The following SORCS2 variants were observed in gnomAD, a reference collection of about 807,000 sequenced individuals.
SORCS2 encodes the protein sortilin related VPS10 domain containing receptor 2, also known as VPS10 domain-containing receptor SorCS2.
Under a neutral mutation model 141.6 loss-of-function variants are expected in SORCS2, and 100 were observed. The ratio of observed to expected loss-of-function variants is 0.71; its 90% CI spans 0.60 to 0.83. The LOEUF (loss-of-function observed/expected upper bound fraction) is 0.83. Ranked by LOEUF, SORCS2 falls within the 40% of genes least tolerant of loss-of-function variation. The pLI is 0.00. For missense variants in SORCS2, 1,646 were observed against 1,560.2 expected (o/e 1.05, Z -0.93); for synonymous variants, 789 against 676.9 (o/e 1.17, Z -2.57).
At chr4:7,254,628 C>T (rs1474847829) in intron 1 of SORCS2, among the ~76,000 whole-genome samples, 1 of 152,118 alleles carries the variant, frequency 6.6e-6, no homozygotes, top group Non-Finnish European at 1.5e-5. Flanking sequence ...TGCACATGTG[C>T]CCTATAAATC....
At chr4:7,385,818 C>T (rs1352809810) in intron 1 of SORCS2, among the ~76,000 whole-genome samples, 1 of 152,210 alleles carries the variant, frequency 6.6e-6, no homozygotes, top group African/African-American at 2.4e-5. Flanking sequence ...TGGCCACCTG[C>T]CTCGATTGGG....
chr4:7,250,379 C>T (rs868424155), intron 1 of SORCS2, among the ~76,000 whole-genome samples: 9 of 152,356 alleles, frequency 5.9e-5, no homozygotes, highest in East Asian at 5.8e-4. Flanking sequence ...AAAACCCCCA[C>T]GGATCCCCTT....
intron 1 of SORCS2, among the ~76,000 whole-genome samples, chr4:7,354,882 A>G (rs1721154962): frequency 1.3e-5 from 2 of 152,302 alleles, no homozygotes; most frequent in Non-Finnish European, 2.9e-5. Context: ...CATGATAAGG[A>G]AGGTTTATCC....
At chr4:7,511,379 C>A (rs1256656882) in intron 2 of SORCS2, among the ~76,000 whole-genome samples, 6 of 130,650 alleles carry the variant, frequency 4.6e-5, no homozygotes, top group African/African-American at 1.2e-4. Context: ...GAGGTACACA[C>A]AAAAAGCCAG....
At chr4:7,634,371 CAAA>C (rs57071486) in intron 3 of SORCS2, among the ~76,000 whole-genome samples, 5 of 135,836 alleles carry the variant, frequency 3.7e-5, no homozygotes, top group East Asian at 2.1e-4. Flanking sequence ...GACTGTGTCT[CAAA>C]AAAAAAAAAA....
intron 1 of SORCS2, among the ~76,000 whole-genome samples, chr4:7,385,247 G>C (rs1577478433): frequency 6.6e-6 from 1 of 152,312 alleles, no homozygotes; most frequent in South Asian, 2.1e-4. Flanking sequence ...CCTCCCCTCA[G>C]GGGTCTTTAG....
intron 25 of SORCS2, among the ~76,000 whole-genome samples, chr4:7,736,230 G>A (rs2148902460): frequency 6.6e-6 from 1 of 152,364 alleles, no homozygotes; most frequent in South Asian, 2.1e-4. Flanking sequence ...GCAGGGGCTT[G>A]GCCCTCGTCT....
chr4:7,223,796 C>T (rs1392186424), intron 1 of SORCS2, among the ~76,000 whole-genome samples: 3 of 152,202 alleles, frequency 2.0e-5, no homozygotes, highest in Non-Finnish European at 4.4e-5. Flanking sequence ...GTGGCCCACA[C>T]CTGTCGCCTG....
chr4:7,552,848 G>C (rs934683713), intron 3 of SORCS2, among the ~76,000 whole-genome samples: 24 of 152,212 alleles, frequency 1.6e-4, no homozygotes, highest in Admixed American at 9.8e-4. Context: ...TCTGGAGAGA[G>C]CTTATTCCCT....
intron 1 of SORCS2, among the ~76,000 whole-genome samples, chr4:7,202,492 C>T (rs190165036): frequency 6.6e-6 from 1 of 152,192 alleles, no homozygotes; most frequent in Admixed American, 6.5e-5. Context: ...TCTTCTCACA[C>T]CAGCTCGAAG....
intron 3 of SORCS2, among the ~76,000 whole-genome samples, chr4:7,561,498 A>G (rs962732178): frequency 9.3e-5 from 14 of 151,330 alleles, no homozygotes; most frequent in Admixed American, 9.2e-4. Context: ...CCATCTACCC[A>G]TTCATCCATC....
chr4:7,197,459 G>C (rs564838474), intron 1 of SORCS2, among the ~76,000 whole-genome samples: 6 of 152,276 alleles, frequency 3.9e-5, no homozygotes, highest in African/African-American at 1.4e-4. Flanking sequence ...GAACAGCTAG[G>C]ATATGAGGGG....
intron 2 of SORCS2, among the ~76,000 whole-genome samples, chr4:7,516,584 G>A (rs1454907238): frequency 6.6e-6 from 1 of 152,140 alleles, no homozygotes; most frequent in Non-Finnish European, 1.5e-5. Context: ...GGTGGGGGCG[G>A]TGCTGCTTTT....
intron 12 of SORCS2, among the ~76,000 whole-genome samples, chr4:7,702,069 G>C (rs962328976): frequency 2.0e-5 from 3 of 152,198 alleles, no homozygotes; most frequent in Non-Finnish European, 4.4e-5. Context: ...CAGGAGCCCA[G>C]CTCATGTGGA....
intron 1 of SORCS2, among the ~76,000 whole-genome samples, chr4:7,316,088 A>G (rs994833020): frequency 1.3e-5 from 2 of 151,698 alleles, no homozygotes; most frequent in Non-Finnish European, 2.9e-5. Context: ...CTGTCCATCC[A>G]TCTATCCATC....
intron 3 of SORCS2, among the ~76,000 whole-genome samples, chr4:7,535,800 G>A (rs912779000): frequency 1.3e-4 from 19 of 147,604 alleles, no homozygotes; most frequent in South Asian, 4.2e-4. Context: ...GCCTCACCTG[G>A]TGGCTGTGCC....
At chr4:7,659,848 G>A (rs2108912194) in intron 5 of SORCS2, among the ~76,000 whole-genome samples, 1 of 152,278 alleles carries the variant, frequency 6.6e-6, no homozygotes. Flanking sequence ...TCCCTTCACT[G>A]TATTATTTGG....
chr4:7,600,882 A>G (rs1459533156), intron 3 of SORCS2, among the ~76,000 whole-genome samples: 1 of 151,928 alleles, frequency 6.6e-6, no homozygotes, highest in Non-Finnish European at 1.5e-5. Flanking sequence ...TTCAGTTTTA[A>G]TGTTCCTCTG....
intron 26 of SORCS2, among the ~76,000 whole-genome samples, chr4:7,738,073 G>GTCC (rs1712342841): frequency 6.6e-6 from 1 of 152,250 alleles, no homozygotes; most frequent in Non-Finnish European, 1.5e-5. Flanking sequence ...GCTGTCACTT[G>GTCC]TGTCTTGCCC....
Sources: allele counts gnomAD v4.1 joint callset (sites outside exome capture counted in the v4.1 genomes callset), GRCh38; gene constraint gnomAD v4.1.1; transcripts MANE v1.5; gene names NCBI Gene and HGNC (gene_info 2026-07-23, HGNC 2026-07-21).